The following BMP5 variants were observed in gnomAD, a reference collection of about 807,000 sequenced individuals.
BMP5 encodes the protein bone morphogenetic protein 5.
BMP5 carries 23 observed loss-of-function variants against 46.6 expected under a neutral mutation model. The observed-to-expected ratio is 0.49, with a 90% CI of 0.35 to 0.70. The LOEUF (loss-of-function observed/expected upper bound fraction) is 0.70, where lower values mean the gene tolerates loss of function less well. BMP5 is among the 30% of genes least tolerant of loss of function. The pLI is 0.00. For synonymous variants in BMP5, 204 were observed against 191.9 expected, an observed-to-expected ratio of 1.06 and a Z score of -0.52; for missense variants, 545 against 565.6, an observed-to-expected ratio of 0.96 and a Z score of 0.37.
chr6:55,760,964 C>T (rs1051805468), intron 4 of BMP5, among the ~76,000 whole-genome samples: 10 of 152,110 alleles, frequency 6.6e-5, no homozygotes, highest in African/African-American at 2.4e-4. Context: ...ATACTGGGAT[C>T]TTACTTAGCT....
Position 55,808,517 on chromosome 6 carries a change from C to T in BMP5, c.683+11138G>A, listed in dbSNP as rs542717630. Among the ~76,000 whole-genome samples the T allele has an allele frequency of 1.4e-4, 22 of 152,340 alleles. No individual in the cohort carries two copies. The South Asian group carries it at 3.9e-3, about 27-fold the overall frequency. ...TTCTGGTCACTCCTCCCTCTGTGAGCTCAGCAGGCTTAAGCAGATTCTAGC... is the reference window on the plus strand; with the variant it reads ...TTCTGGTCACTCCTCCCTCTGTGAGTTCAGCAGGCTTAAGCAGATTCTAGC... On this transcript the variant is annotated intron_variant, in intron 2 of 6. Coordinates refer to ENST00000370830, the MANE Select transcript of BMP5 (RefSeq NM_021073.4).
chr6:55,818,063 G>A (rs1413342170), intron 2 of BMP5, among the ~76,000 whole-genome samples: 1 of 152,176 alleles, frequency 6.6e-6, no homozygotes, highest in Admixed American at 6.5e-5. Flanking sequence ...AAACCATACT[G>A]TGATAACATA....
chr6:55,781,661 G>A (rs905665767), intron 3 of BMP5, among the ~76,000 whole-genome samples: 5 of 149,508 alleles, frequency 3.3e-5, no homozygotes, highest in Non-Finnish European at 7.4e-5. Flanking sequence ...AGGCTGGAGC[G>A]CAGTGATGTG....
Position 55,795,389 on chromosome 6 carries a change from T to C in BMP5, c.684-962A>G, listed in dbSNP as rs533224403. Among the ~76,000 whole-genome samples, 19 of 152,186 alleles carry C rather than the reference T, an allele frequency of 1.2e-4. No individual in the cohort carries two copies. In the South Asian group the frequency reaches 2.1e-3, roughly 17 times the overall value. On this transcript the variant is annotated intron_variant, in intron 2 of 6. Coordinates refer to ENST00000370830, the MANE Select transcript of BMP5 (RefSeq NM_021073.4). ...TTATGACCTTTGATATTGTATTGAA[T>C]CTATTTAAGAGCATATTATTTATAT... is the stretch of plus-strand genomic sequence containing the variant.
intron 4 of BMP5, among the ~76,000 whole-genome samples, chr6:55,762,490 C>T (rs1325871972): frequency 1.3e-5 from 2 of 152,080 alleles, no homozygotes; most frequent in Non-Finnish European, 2.9e-5. Context: ...ATGCAATTAA[C>T]TTCATTAAAA....
rs1777879217 is a variant in BMP5, at chr6:55,875,138, T to G, written c.-273A>C. On this transcript the variant is annotated 5_prime_UTR_variant, in exon 1 of 7. Coordinates refer to ENST00000370830, the MANE Select transcript of BMP5 (RefSeq NM_021073.4). ...TTGTTAAGAGTTTTTGCTGCATTGA[T>G]GTAGCAGAAGACGGCTAATATTATT... 2.7e-6 allele frequency: 1 copy of G among 366,300 alleles called. No homozygotes were observed. 22.7% of individuals were successfully genotyped at this position (366,300 alleles called of 1,614,324 possible).
Position 55,863,978 on chromosome 6 carries a change from G to T in BMP5, c.490+10398C>A, listed in dbSNP as rs113423783. On this transcript the variant is annotated intron_variant, in intron 1 of 6. Transcript: ENST00000370830. ...CAGTGATGAAATCACCTAAAGAAACGTTTCTCAGAAGGTACACCCCCATTT... is the reference window on the plus strand; with the variant it reads ...CAGTGATGAAATCACCTAAAGAAACTTTTCTCAGAAGGTACACCCCCATTT... Among the ~76,000 whole-genome samples, 698 of 152,006 alleles carry T rather than the reference G, an allele frequency of 4.6e-3. 6 individuals are homozygous for T. The highest frequency in any genetic ancestry group is 0.015 in the African/African-American group (610 of 41,488).
chr6:55,817,116 A>G (rs1054216162), intron 2 of BMP5, among the ~76,000 whole-genome samples: 1 of 152,282 alleles, frequency 6.6e-6, no homozygotes, highest in East Asian at 1.9e-4. Flanking sequence ...GCTGGAGAGG[A>G]TGTGGAGAAA....
At chr6:55,873,376 A>G (rs895224402) in intron 1 of BMP5, among the ~76,000 whole-genome samples, 3 of 151,942 alleles carry the variant, frequency 2.0e-5, no homozygotes, top group African/African-American at 7.2e-5. Flanking sequence ...TTGTTGATAG[A>G]GTTTTTAATC....
chr6:55,815,420 A>G (rs1398576553), intron 2 of BMP5, among the ~76,000 whole-genome samples: 1 of 152,216 alleles, frequency 6.6e-6, no homozygotes, highest in Admixed American at 6.5e-5. Context: ...TCAAATCTAT[A>G]TCATCCCAGA....
chr6:55,821,714 G>A (rs1776413898), intron 1 of BMP5, among the ~76,000 whole-genome samples: 1 of 152,050 alleles, frequency 6.6e-6, no homozygotes, highest in South Asian at 2.1e-4. Context: ...CTTGTCTCTG[G>A]TGATAGTGCA....
intron 1 of BMP5, among the ~76,000 whole-genome samples, chr6:55,847,234 G>C (rs1229672215): frequency 6.6e-6 from 1 of 151,876 alleles, no homozygotes; most frequent in Non-Finnish European, 1.5e-5. Flanking sequence ...GGTCATCTTT[G>C]CCAGACCCAG....
At chr6:55,836,749 T>C (rs1475648177) in intron 1 of BMP5, among the ~76,000 whole-genome samples, 1 of 152,092 alleles carries the variant, frequency 6.6e-6, no homozygotes, top group Non-Finnish European at 1.5e-5. Flanking sequence ...TCCAGAGTGC[T>C]GTCAACTCTA....
chr6:55,787,370 C>T (rs1363776023), intron 3 of BMP5, among the ~76,000 whole-genome samples: 2 of 151,628 alleles, frequency 1.3e-5, no homozygotes, highest in Non-Finnish European at 3.0e-5. Context: ...AAAGAATATT[C>T]AGTTGTAAAT....
chr6:55,764,305 GTC>G (rs766593624), intron 4 of BMP5, among the ~76,000 whole-genome samples: 236 of 152,306 alleles, frequency 1.5e-3, no homozygotes, highest in Middle Eastern at 3.4e-3. Flanking sequence ...CTGGCGTGGT[GTC>G]TCACACCTGT....
At chr6:55,804,133 G>A (rs1682134876) in intron 2 of BMP5, among the ~76,000 whole-genome samples, 1 of 152,164 alleles carries the variant, frequency 6.6e-6, no homozygotes, top group African/African-American at 2.4e-5. Context: ...AAAAACATAT[G>A]TTGAAGTACT....
chr6:55,819,770 C>T lies in BMP5; in HGVS notation c.568G>A (p.Gly190Arg), dbSNP rs1361397104. 2.5e-6 allele frequency: 4 copies of T among 1,613,588 alleles called. No homozygotes were observed. Among genetic ancestry groups the T allele is most frequent in the Admixed American group, 1.7e-5 (1 of 59,912 alleles). The change falls in exon 2 of 7, where the codon GGA becomes AGA. Residue 190 changes from glycine (G) to arginine (R), a missense_variant. Physicochemically the swap from Gly to Arg is moderately radical, Grantham distance 125. Coordinates refer to ENST00000370830, the MANE Select transcript of BMP5 (RefSeq NM_021073.4). The part of the protein sequence containing the change: ...FRFDLTQIPH[G>R]EAVTAAEFRI... ...AATTCAGCTGCTGTCACTGCCTCTCCATGAGGAATTTGGGTAAGATCAAAT... is the reference window on the plus strand; with the variant it reads ...AATTCAGCTGCTGTCACTGCCTCTCTATGAGGAATTTGGGTAAGATCAAAT...
chr6:55,847,912 C>T (rs902719377), intron 1 of BMP5, among the ~76,000 whole-genome samples: 3 of 151,778 alleles, frequency 2.0e-5, no homozygotes, highest in African/African-American at 7.3e-5. Context: ...ATATAGATCA[C>T]CAATATTGTT....
At chr6:55,867,669 T>G (rs1238132902) in intron 1 of BMP5, among the ~76,000 whole-genome samples, 1 of 152,158 alleles carries the variant, frequency 6.6e-6, no homozygotes. Flanking sequence ...AATACTCTGC[T>G]GCCACCATCT....
Sources: gnomAD v4.1 joint callset for allele counts (sites outside exome capture counted in the v4.1 genomes callset) on GRCh38, gnomAD v4.1.1 for gene constraint, MANE v1.5 for transcripts, NCBI Gene and HGNC (gene_info 2026-07-23, HGNC 2026-07-21) for gene names.